The following ITGB5 variants were observed in gnomAD, a reference collection of about 807,000 sequenced individuals.
ITGB5 encodes the protein integrin beta-5.
Under a neutral mutation model 84.8 loss-of-function variants are expected in ITGB5, and 38 were observed. The ratio of observed to expected loss-of-function variants is 0.45; its 90% CI spans 0.35 to 0.59. ITGB5 has a LOEUF of 0.59. Ranked by LOEUF, ITGB5 falls within the 20% of genes least tolerant of loss-of-function variation. The pLI is 0.01. For synonymous variants in ITGB5, 393 were observed against 414.4 expected, an observed-to-expected ratio of 0.95 and a Z score of 0.63; for missense variants, 905 against 1,034.5, an observed-to-expected ratio of 0.87 and a Z score of 1.72.
chr3:124,769,263 T>G, intron 11 of ITGB5, 150 bp from the exon 12 acceptor site: 2 of 619,064 alleles, frequency 3.2e-6, no homozygotes, highest in Non-Finnish European at 5.6e-6. Flanking sequence ...CTGCTCTGCC[T>G]TTCTTCTTGT....
intron 5 of ITGB5, among the ~76,000 whole-genome samples, chr3:124,828,417 C>CA (rs1363544282): frequency 1.5e-4 from 22 of 151,524 alleles, no homozygotes; most frequent in Non-Finnish European, 2.5e-4. Context: ...ATAAGGCAGG[C>CA]AAAAAAAGAG....
chr3:124,852,081 C>A (rs2065164650), intron 3 of ITGB5, among the ~76,000 whole-genome samples: 1 of 152,174 alleles, frequency 6.6e-6, no homozygotes, highest in African/African-American at 2.4e-5. Context: ...TCCTTCCCGG[C>A]CACGCTGCTT....
At chr3:124,847,080 T>C (rs1051865569) in intron 4 of ITGB5, among the ~76,000 whole-genome samples, 4 of 152,228 alleles carry the variant, frequency 2.6e-5, no homozygotes, top group African/African-American at 9.6e-5. Context: ...ACACTTACCT[T>C]AGAGACCTCA....
At chr3:124,782,442 G>A (rs768599528) in intron 10 of ITGB5, among the ~76,000 whole-genome samples, 7 of 152,240 alleles carry the variant, frequency 4.6e-5, no homozygotes, top group Non-Finnish European at 2.9e-5. Context: ...TCAAGACAAG[G>A]TCACTGGGGA....
At chr3:124,833,387 G>T (rs1398650742) in intron 5 of ITGB5, among the ~76,000 whole-genome samples, 1 of 152,168 alleles carries the variant, frequency 6.6e-6, no homozygotes, top group Non-Finnish European at 1.5e-5. Context: ...ATTTTATATG[G>T]TTCAATCTAA....
At chr3:124,864,247 C>G (rs2065352398) in intron 2 of ITGB5, among the ~76,000 whole-genome samples, 1 of 151,368 alleles carries the variant, frequency 6.6e-6, no homozygotes, top group Non-Finnish European at 1.5e-5. Context: ...GCTGGGACTA[C>G]AGGTGCCCGC....
intron 13 of ITGB5, 120 bp from the exon 14 acceptor site, chr3:124,764,677 C>T (rs533345449): frequency 1.1e-6 from 1 of 893,908 alleles, no homozygotes; most frequent in African/African-American, 1.7e-5. Flanking sequence ...CCTCGGCTCT[C>T]CCTTAGATCC....
chr3:124,871,104 C>T (rs868384965), intron 2 of ITGB5, among the ~76,000 whole-genome samples: 1 of 151,910 alleles, frequency 6.6e-6, no homozygotes, highest in Non-Finnish European at 1.5e-5. Flanking sequence ...TTGCCCAGAC[C>T]GGTCTTGAAC....
At chr3:124,765,272 A>G (rs548787846) in intron 13 of ITGB5, among the ~76,000 whole-genome samples, 1 of 152,310 alleles carries the variant, frequency 6.6e-6, no homozygotes, top group South Asian at 2.1e-4. Context: ...GGCAAAGGCT[A>G]TTGGTCCCTG....
At chr3:124,875,829 T>C (rs957318573) in intron 1 of ITGB5, among the ~76,000 whole-genome samples, 3 of 152,188 alleles carry the variant, frequency 2.0e-5, no homozygotes, top group African/African-American at 2.4e-5. Context: ...CCTTAAAAAA[T>C]TGAGAAAATC....
intron 5 of ITGB5, among the ~76,000 whole-genome samples, chr3:124,834,372 T>C (rs1392334607): frequency 6.8e-6 from 1 of 146,974 alleles, no homozygotes; most frequent in Non-Finnish European, 1.5e-5. Context: ...ATTTTTGCTA[T>C]GAACCTAAAA....
chr3:124,846,866 C>T (rs778228144), intron 4 of ITGB5, among the ~76,000 whole-genome samples: 43 of 152,186 alleles, frequency 2.8e-4, no homozygotes, highest in African/African-American at 5.1e-4. Flanking sequence ...ACCCGGGAGG[C>T]GGAGGTTGCA....
chr3:124,827,061 G>A (rs886286117), intron 5 of ITGB5, among the ~76,000 whole-genome samples: 1 of 152,120 alleles, frequency 6.6e-6, no homozygotes, highest in Non-Finnish European at 1.5e-5. Flanking sequence ...TGTATTCCAC[G>A]TTTGGGGAAG....
chr3:124,846,597 T>C (rs979904822), intron 4 of ITGB5, among the ~76,000 whole-genome samples: 1 of 152,236 alleles, frequency 6.6e-6, no homozygotes, highest in South Asian at 2.1e-4. Flanking sequence ...GTAAAGTGTC[T>C]GTGTTGTAGT....
intron 1 of ITGB5, among the ~76,000 whole-genome samples, chr3:124,893,619 G>A (rs1438574017): frequency 6.6e-6 from 1 of 152,128 alleles, no homozygotes; most frequent in Non-Finnish European, 1.5e-5. Flanking sequence ...GATGATGGAT[G>A]AACATGGGAG....
rs1433891868 is a variant in ITGB5, at chr3:124,766,073, AAAAG to A, written c.2137+149_2137+152del. On this transcript the variant is annotated intron_variant, in intron 13 of 14. Transcript: ENST00000296181. ...ACAGCCTGTGTCAAAAAAAAAAAAA[AAAAG>A]AAAAAGAAGAAATTGTATCCCTCCT... 8.4e-4 allele frequency among the ~76,000 whole-genome samples: 128 copies of A among 151,970 alleles called. 1 individual carries two copies. Among genetic ancestry groups the A allele is most frequent in the African/African-American group, 2.9e-3 (122 of 41,414 alleles).
At chr3:124,782,736 T>C (rs143060388) in intron 10 of ITGB5, among the ~76,000 whole-genome samples, 7 of 152,256 alleles carry the variant, frequency 4.6e-5, no homozygotes, top group Non-Finnish European at 1.0e-4. Flanking sequence ...CACACGCTTG[T>C]AATCCCAGCT....
In ITGB5 at chr3:124,764,574, C is replaced by A. The variant is rs757467429; in HGVS notation, c.2138-17G>T. On this transcript the variant is annotated splice_polypyrimidine_tract_variant and intron_variant, in intron 13 of 14. Coordinates refer to ENST00000296181, the MANE Select transcript of ITGB5 (RefSeq NM_002213.5). ...TTCCACACTCTGGGGGGACCAGAAG[C>A]ATGGTAAGCAAAGCCACTAGCATCA... The A allele has an allele frequency of 3.1e-6, 5 of 1,591,744 alleles. No homozygotes were observed. In the East Asian group the frequency reaches 1.1e-4, roughly 36 times the overall value.
chr3:124,773,594 G>T, intron 11 of ITGB5, 96 bp downstream of exon 11: 1 of 1,065,398 alleles, frequency 9.4e-7, no homozygotes, highest in Non-Finnish European at 1.4e-6. Flanking sequence ...TGCAGGAGGT[G>T]AGGAGTGGAG....
Sources: allele counts gnomAD v4.1 joint callset (sites outside exome capture counted in the v4.1 genomes callset), GRCh38; gene constraint gnomAD v4.1.1; transcripts MANE v1.5; gene names NCBI Gene and HGNC (gene_info 2026-07-23, HGNC 2026-07-21).